Variants in CFAP20DC observed in about 807,000 individuals in gnomAD.
CFAP20DC encodes the protein protein CFAP20DC.
Under a neutral mutation model 101.7 loss-of-function variants are expected in CFAP20DC, and 84 were observed. That is an observed-to-expected ratio of 0.83 (90% CI 0.69 to 0.99). The LOEUF is 0.99. CFAP20DC is among the 50% of genes least tolerant of loss of function. The pLI is 0.00. For missense variants in CFAP20DC, 1,007 were observed against 970.3 expected, an observed-to-expected ratio of 1.04 and a Z score of -0.50; for synonymous variants, 359 against 351.2, an observed-to-expected ratio of 1.02 and a Z score of -0.25.
chr3:58,787,188 C>G (rs534597109), intron 15 of CFAP20DC, among the ~76,000 whole-genome samples: 1 of 151,694 alleles, frequency 6.6e-6, no homozygotes, highest in Non-Finnish European at 1.5e-5. Flanking sequence ...AACGCTGATA[C>G]AAGATTTCAT....
chr3:58,892,814 CTCTT>C lies in CFAP20DC; in HGVS notation c.551-8109_551-8106del. On this transcript the variant is annotated intron_variant, in intron 6 of 16. Coordinates refer to ENST00000482387, the MANE Select transcript of CFAP20DC (RefSeq NM_001394063.1). This position sits in a 1 kb window ranked among gnomAD's most constrained non-coding sequence, Gnocchi z 4.0. ...GACTTCCTCTCTTCCTATTTGAATACTCTTTATTTTTTTCTCTTGCCTGATTGTC... is the reference window on the plus strand; with the variant it reads ...GACTTCCTCTCTTCCTATTTGAATACTATTTTTTTCTCTTGCCTGATTGTC... 6.6e-6 allele frequency among the ~76,000 whole-genome samples: 1 copy of C among 152,246 alleles called. No individual in the cohort carries two copies. Among genetic ancestry groups the C allele is most frequent in the Middle Eastern group, 3.4e-3 (1 of 294 alleles).
intron 4 of CFAP20DC, among the ~76,000 whole-genome samples, chr3:58,997,816 G>A (rs2093182433): frequency 6.6e-6 from 1 of 152,202 alleles, no homozygotes; most frequent in Non-Finnish European, 1.5e-5. Context: ...TACAGGAAGA[G>A]GGACAAATAA....
intron 7 of CFAP20DC, among the ~76,000 whole-genome samples, chr3:58,878,247 C>T (rs1029999778): frequency 2.6e-5 from 4 of 152,128 alleles, no homozygotes; most frequent in African/African-American, 9.7e-5. Flanking sequence ...CAGAACGTAG[C>T]CTTACCTCAT....
intron 5 of CFAP20DC, among the ~76,000 whole-genome samples, chr3:58,917,077 C>A (rs564231834): frequency 5.9e-5 from 9 of 152,018 alleles, no homozygotes; most frequent in African/African-American, 2.2e-4. Flanking sequence ...GAAGTATGTA[C>A]CAGAAAGACA....
chr3:58,954,268 G>T (rs2090427918), intron 4 of CFAP20DC, among the ~76,000 whole-genome samples: 1 of 152,022 alleles, frequency 6.6e-6, no homozygotes, highest in Non-Finnish European at 1.5e-5. Flanking sequence ...CATTTATTCA[G>T]ATTACCTATT....
intron 4 of CFAP20DC, among the ~76,000 whole-genome samples, chr3:58,946,661 G>A (rs1189192985): frequency 6.6e-6 from 1 of 152,076 alleles, no homozygotes; most frequent in Non-Finnish European, 1.5e-5. Flanking sequence ...AAAATGTGCA[G>A]GACAGAAACC....
intron 15 of CFAP20DC, among the ~76,000 whole-genome samples, chr3:58,790,420 T>C (rs1047810798): frequency 1.3e-5 from 2 of 152,206 alleles, no homozygotes; most frequent in Non-Finnish European, 2.9e-5. Flanking sequence ...ATTCCTGTTT[T>C]CTCGCCCAAA....
At chr3:58,898,269 G>C (rs2082840317) in intron 6 of CFAP20DC, among the ~76,000 whole-genome samples, 1 of 151,698 alleles carries the variant, frequency 6.6e-6, no homozygotes, top group Non-Finnish European at 1.5e-5. Context: ...CTGCCTCCCA[G>C]GTTTAAGCGA....
intron 4 of CFAP20DC, among the ~76,000 whole-genome samples, chr3:58,995,376 T>A (rs1262650886): frequency 2.1e-5 from 3 of 143,888 alleles, no homozygotes; most frequent in Non-Finnish European, 3.1e-5. Flanking sequence ...AATATCTCAC[T>A]AAAAAAAAAA....
chr3:58,995,058 G>A (rs370484711), intron 4 of CFAP20DC, among the ~76,000 whole-genome samples: 1 of 152,018 alleles, frequency 6.6e-6, no homozygotes, highest in African/African-American at 2.4e-5. Flanking sequence ...TTTTTGAAAC[G>A]TTTTTCCTCC....
intron 14 of CFAP20DC, among the ~76,000 whole-genome samples, chr3:58,816,578 C>G (rs2075170885): frequency 6.6e-6 from 1 of 152,166 alleles, no homozygotes; most frequent in Non-Finnish European, 1.5e-5. Context: ...TTGCACTTTT[C>G]AGACCGGCTT....
At chr3:58,918,259 G>C (rs1049434981) in intron 5 of CFAP20DC, among the ~76,000 whole-genome samples, 9 of 152,158 alleles carry the variant, frequency 5.9e-5, no homozygotes, top group Non-Finnish European at 8.8e-5. Flanking sequence ...GTGGGAGAGG[G>C]TGTACGTTTC....
chr3:59,039,678 T>C, intron 3 of CFAP20DC, 49 bp from the exon 4 acceptor site: 3 of 1,159,592 alleles, frequency 2.6e-6, no homozygotes, highest in Non-Finnish European at 3.7e-6. Context: ...CATTTATATG[T>C]GCATATAAAC....
intron 4 of CFAP20DC, among the ~76,000 whole-genome samples, chr3:59,013,965 T>G (rs1228744145): frequency 6.6e-6 from 1 of 152,200 alleles, no homozygotes; most frequent in Non-Finnish European, 1.5e-5. Flanking sequence ...ATGAATTCAA[T>G]GACGTATGGA....
At chr3:58,762,282 C>T (rs2069701919) in intron 15 of CFAP20DC, among the ~76,000 whole-genome samples, 1 of 152,126 alleles carries the variant, frequency 6.6e-6, no homozygotes, top group South Asian at 2.1e-4. Flanking sequence ...ATCCCTTTAC[C>T]ATTATGTAAT....
chr3:58,742,520 A>C lies in CFAP20DC; in HGVS notation c.2385T>G (p.Tyr795Ter), dbSNP rs1236207702. The C allele has an allele frequency of 1.2e-6, 2 of 1,610,148 alleles. No homozygotes were observed. Among genetic ancestry groups the C allele is most frequent in the South Asian group, 2.2e-5 (2 of 90,044 alleles). Residue 795 changes from tyrosine to a stop codon, truncating the protein, a stop_gained, in exon 17 of 17, where the codon TAT becomes TAG. Coordinates refer to ENST00000482387, the MANE Select transcript of CFAP20DC (RefSeq NM_001394063.1). LOFTEE classifies it high-confidence loss of function. ...CAAAGTAACAGTTCAGACAAGGGTC[A>C]TACAACAAAGTCAGTACTTCCTCGT... The part of the protein sequence containing the change: ...EEDEEVLTLL[Y>*]DPCLNCYFDP...
chr3:58,716,247 C>T (rs1391366526), downstream of CFAP20DC, among the ~76,000 whole-genome samples: 18 of 146,960 alleles, frequency 1.2e-4, no homozygotes, highest in African/African-American at 3.8e-4. Flanking sequence ...CTGCAAGCTC[C>T]GCTTCCCGGG....
chr3:58,741,882 T>G (rs1280127111), downstream of CFAP20DC: 2 of 172,178 alleles, frequency 1.2e-5, no homozygotes, highest in Non-Finnish European at 1.2e-5. Flanking sequence ...GCCAATAAAA[T>G]GTGATCATAA....
Position 58,891,658 on chromosome 3 carries a change from GT to G in CFAP20DC, c.551-6950del, listed in dbSNP as rs201880815. ...TGCCCACTTTTTAATGGGGTTATTT[GT>G]TTTTTTTTCTTGTAAATTTCTTAAG... On this transcript the variant is annotated intron_variant, in intron 6 of 16. Coordinates refer to ENST00000482387, the MANE Select transcript of CFAP20DC (RefSeq NM_001394063.1). 5.7e-4 allele frequency among the ~76,000 whole-genome samples: 86 copies of G among 150,750 alleles called. 2 individuals are homozygous for G. The East Asian group carries it at 0.016, about 28-fold the overall frequency.
Sources: allele counts gnomAD v4.1 joint callset (sites outside exome capture counted in the v4.1 genomes callset), GRCh38; gene constraint gnomAD v4.1.1; non-coding constraint Gnocchi (gnomAD v3.1); transcripts MANE v1.5; gene names NCBI Gene and HGNC (gene_info 2026-07-23, HGNC 2026-07-21).